SMAD2: variants seen among roughly 807,000 people sequenced by gnomAD.
SMAD2 encodes the protein MAD homolog 2.
Under a neutral mutation model 64.4 loss-of-function variants are expected in SMAD2, and 8 were observed. The ratio of observed to expected loss-of-function variants is 0.12; its 90% CI spans 0.07 to 0.22. The LOEUF (loss-of-function observed/expected upper bound fraction) is 0.22. Among genes scored for constraint, SMAD2 ranks in the 10% least tolerant of loss-of-function variants. The probability of loss-of-function intolerance (pLI) is 1.00; values close to 1 mark genes in which losing one functional copy is unlikely to be tolerated. For missense variants in SMAD2, 289 were observed against 561.2 expected (o/e 0.51, Z 4.90); for synonymous variants, 203 against 195.8 (o/e 1.04, Z -0.31).
rs568485167 is a variant in SMAD2, at chr18:47,920,917, G to A, written c.-54+9444C>T. ...CGCCTGTAATCCCAAAACTTTGAGGGGCCGTGGCAGGCAAATCGCTTGAGC... is the reference window on the plus strand; with the variant it reads ...CGCCTGTAATCCCAAAACTTTGAGGAGCCGTGGCAGGCAAATCGCTTGAGC... On this transcript the variant is annotated intron_variant, in intron 1 of 10. Coordinates refer to ENST00000262160, the MANE Select transcript of SMAD2 (RefSeq NM_005901.6). Among the ~76,000 whole-genome samples the A allele has an allele frequency of 2.0e-5, 3 of 152,292 alleles. No individual in the cohort carries two copies. In the South Asian group the frequency reaches 6.2e-4, roughly 32 times the overall value.
At chr18:47,877,054 A>ATCCT (rs1224377747) in intron 2 of SMAD2, among the ~76,000 whole-genome samples, 1 of 152,120 alleles carries the variant, frequency 6.6e-6, no homozygotes, top group Admixed American at 6.5e-5. Flanking sequence ...TGTTCCTACC[A>ATCCT]TATCTGCAAG....
chr18:47,821,648 T>C lies in SMAD2; in HGVS notation c.*20179A>G, dbSNP rs1006489348. On this transcript the variant is annotated 3_prime_UTR_variant, in exon 11 of 11. Coordinates refer to ENST00000262160, the MANE Select transcript of SMAD2 (RefSeq NM_005901.6). ...AGATTCAACTTTCAGTATATCCAAA[T>C]AGGCTTCCCATAAGTAAAGGCAGTC... is the stretch of plus-strand genomic sequence containing the variant. The C allele has an allele frequency of 1.3e-5, 2 of 152,236 alleles. No homozygotes were observed. Among genetic ancestry groups the C allele is most frequent in the African/African-American group, 4.8e-5 (2 of 41,468 alleles). The allele number at this position is 152,236 out of a possible 1,614,324, so 9.4% of individuals were successfully genotyped here.
Position 47,821,253 on chromosome 18 carries a change from T to C in SMAD2, c.*20574A>G, listed in dbSNP as rs1485786561. ...TATTTGTAGGTCACACATCATTGCCTTTAGCTCTTTCTCCCCTTAAGAAGG... is the reference window on the plus strand; with the variant it reads ...TATTTGTAGGTCACACATCATTGCCCTTAGCTCTTTCTCCCCTTAAGAAGG... On this transcript the variant is annotated 3_prime_UTR_variant, in exon 11 of 11. Transcript: ENST00000262160. 6.6e-6 allele frequency: 1 copy of C among 152,192 alleles called. No homozygotes were observed. The highest frequency in any genetic ancestry group is 1.5e-5 in the Non-Finnish European group (1 of 68,020). 9.4% of individuals were successfully genotyped at this position (152,192 alleles called of 1,614,324 possible).
chr18:47,858,719 A>G (rs1182292104), intron 6 of SMAD2, among the ~76,000 whole-genome samples: 1 of 152,188 alleles, frequency 6.6e-6, no homozygotes, highest in Non-Finnish European at 1.5e-5. Context: ...ACTTCTAGGT[A>G]TAACATAAGT....
At chr18:47,855,890 T>C (rs755687053) in intron 6 of SMAD2, among the ~76,000 whole-genome samples, 2 of 152,208 alleles carry the variant, frequency 1.3e-5, no homozygotes, top group Admixed American at 6.5e-5. Context: ...TAATGAAGAC[T>C]CCCTTGTTAT....
rs567457577 is a variant in SMAD2, at chr18:47,833,812, T to C, written c.*8015A>G. On this transcript the variant is annotated 3_prime_UTR_variant, in exon 11 of 11. Transcript: ENST00000262160. ...GGGAAATGCAGTAGACGCCAGAGCA[T>C]CAAAGGCCATGTATTTCCTCACAAG... The C allele has an allele frequency of 8.7e-6, 2 of 230,992 alleles. No individual in the cohort carries two copies. The highest frequency in any genetic ancestry group is 1.2e-4 in the East Asian group (2 of 16,412). The allele number at this position is 230,992 out of a possible 1,614,324, so 14.3% of individuals were successfully genotyped here.
intron 2 of SMAD2, among the ~76,000 whole-genome samples, chr18:47,881,158 T>G (rs1396603098): frequency 6.6e-6 from 1 of 152,326 alleles, no homozygotes; most frequent in Non-Finnish European, 1.5e-5. Flanking sequence ...TTGTTTATTC[T>G]CCAGTACTTC....
intron 6 of SMAD2, among the ~76,000 whole-genome samples, chr18:47,851,869 C>A (rs868484965): frequency 6.6e-6 from 1 of 152,148 alleles, no homozygotes; most frequent in Non-Finnish European, 1.5e-5. Flanking sequence ...CCGTTTTGCA[C>A]GCTTCCAATC....
intron 6 of SMAD2, among the ~76,000 whole-genome samples, chr18:47,852,322 G>A (rs776327103): frequency 3.9e-5 from 6 of 152,058 alleles, no homozygotes; most frequent in Admixed American, 6.6e-5. Context: ...TTGGGTTAGC[G>A]TCACACTTTG....
chr18:47,855,206 TGAG>T (rs1240700146), intron 6 of SMAD2, among the ~76,000 whole-genome samples: 3 of 152,228 alleles, frequency 2.0e-5, no homozygotes, highest in Non-Finnish European at 4.4e-5. Flanking sequence ...CATTATTACT[TGAG>T]GACCTGTTGT....
chr18:47,925,637 T>C (rs1047346108), intron 1 of SMAD2, among the ~76,000 whole-genome samples: 14 of 152,126 alleles, frequency 9.2e-5, no homozygotes, highest in African/African-American at 2.7e-4. Context: ...CCTGAAAAAA[T>C]GATCAAAATT....
rs188097476 is a variant in SMAD2 at position 47,816,368 on chromosome 18, C to T, written c.*25459G>A. The T allele has an allele frequency of 1.7e-3, 256 of 152,234 alleles. 1 individual carries two copies. The highest frequency in any genetic ancestry group is 0.016 in the Admixed American group (238 of 15,296). The allele number at this position is 152,234 out of a possible 1,614,324, so 9.4% of individuals were successfully genotyped here. Reference sequence around the variant, plus strand: ...CTAAAACTAACATTTTTGGATAATACACTTATAAATTGGAAAATGAGAAAA... The same window carrying T: ...CTAAAACTAACATTTTTGGATAATATACTTATAAATTGGAAAATGAGAAAA... On this transcript the variant is annotated 3_prime_UTR_variant, in exon 11 of 11. Transcript: ENST00000262160.
chr18:47,863,816 A>G (rs1179785590), intron 6 of SMAD2, among the ~76,000 whole-genome samples: 2 of 152,222 alleles, frequency 1.3e-5, no homozygotes, highest in African/African-American at 2.4e-5. Flanking sequence ...AGCTGGCCAC[A>G]ATATGTTAAC....
At chr18:47,883,480 T>C (rs185813785) in intron 2 of SMAD2, among the ~76,000 whole-genome samples, 2 of 152,342 alleles carry the variant, frequency 1.3e-5, no homozygotes, top group Admixed American at 1.3e-4. Flanking sequence ...TAGTATTCTA[T>C]AAATATCACG....
intron 1 of SMAD2, among the ~76,000 whole-genome samples, chr18:47,916,281 A>G (rs973218372): frequency 2.0e-5 from 3 of 152,172 alleles, no homozygotes; most frequent in African/African-American, 7.2e-5. Context: ...TTTCTGTAAC[A>G]TTTTGTATAA....
intron 6 of SMAD2, 141 bp downstream of exon 6, chr18:47,864,918 G>C (rs2031450016): frequency 1.5e-6 from 1 of 659,066 alleles, no homozygotes; most frequent in African/African-American, 1.8e-5. Flanking sequence ...GTTCAGATAT[G>C]TTAAATCAAG....
At chr18:47,897,142 T>C (rs1172018959) in intron 1 of SMAD2, among the ~76,000 whole-genome samples, 7 of 152,210 alleles carry the variant, frequency 4.6e-5, no homozygotes, top group Admixed American at 3.3e-4. Flanking sequence ...AAAGGTTCTC[T>C]TACTTTTTAG....
At chr18:47,851,461 T>C (rs1047711178) in intron 6 of SMAD2, 134 bp from the exon 7 acceptor site, 15 of 415,142 alleles carry the variant, frequency 3.6e-5, no homozygotes, top group South Asian at 1.1e-4. Context: ...ATTCAGAATA[T>C]GTAAGTGCTT....
In SMAD2 at chr18:47,826,737, G is replaced by C. The variant is rs1568015940; in HGVS notation, c.*15090C>G. 6.6e-6 allele frequency: 1 copy of C among 152,170 alleles called. No individual in the cohort carries two copies. The highest frequency in any genetic ancestry group is 1.5e-5 in the Non-Finnish European group (1 of 68,036). 9.4% of individuals were successfully genotyped at this position (152,170 alleles called of 1,614,324 possible). On this transcript the variant is annotated 3_prime_UTR_variant, in exon 11 of 11. Transcript: ENST00000262160. ...ATAATTGCTCCAATATGTTCTATGT[G>C]ACATTTCTGAGTTTAACATCACATT... is the stretch of plus-strand genomic sequence containing the variant.
Sources: gnomAD v4.1 joint callset for allele counts (sites outside exome capture counted in the v4.1 genomes callset) on GRCh38, gnomAD v4.1.1 for gene constraint, MANE v1.5 for transcripts, NCBI Gene and HGNC (gene_info 2026-07-23, HGNC 2026-07-21) for gene names.